The following MN1 variants were observed in gnomAD, a reference collection of about 807,000 sequenced individuals.
The protein encoded by MN1 is transcriptional activator MN1.
In MN1, 19 loss-of-function variants were observed where a neutral mutation model predicts 86.9. The observed-to-expected ratio is 0.22, with a 90% CI of 0.15 to 0.32. The LOEUF (loss-of-function observed/expected upper bound fraction) is 0.32. Among genes scored for constraint, MN1 ranks in the 10% least tolerant of loss-of-function variants. The probability of loss-of-function intolerance (pLI) is 1.00; values close to 1 mark genes in which losing one functional copy is unlikely to be tolerated. For synonymous variants in MN1, 928 were observed against 849.6 expected (o/e 1.09, Z -1.60); for missense variants, 1,841 against 1,862.0 (o/e 0.99, Z 0.21).
chr22:27,785,753 C>CG (rs11431057), intron 1 of MN1, among the ~76,000 whole-genome samples: 4 of 150,060 alleles, frequency 2.7e-5, no homozygotes, highest in African/African-American at 9.9e-5. Context: ...TGTGCCCCCC[C>CG]CCCATGGCCC....
Position 27,797,168 on chromosome 22 carries a change from G to T in MN1, c.3376C>A (p.His1126Asn), listed in dbSNP as rs1356046184. 6.4e-7 allele frequency: 1 copy of T among 1,560,338 alleles called. No homozygotes were observed. Among genetic ancestry groups the T allele is most frequent in the Non-Finnish European group, 8.6e-7 (1 of 1,156,320 alleles). ...DSYGGGGGPG[H>N]PGTPGLEQVR... Reference sequence around the variant, plus strand: ...TGCTCCAGGCCCGGAGTGCCCGGATGGCCCGGGCCCCCACCGCCGCCGTAG... The same window carrying T: ...TGCTCCAGGCCCGGAGTGCCCGGATTGCCCGGGCCCCCACCGCCGCCGTAG... Residue 1126 changes from histidine to asparagine, a missense_variant, in exon 1 of 2, where the codon CAT becomes AAT. Transcript: ENST00000302326.
intron 1 of MN1, among the ~76,000 whole-genome samples, chr22:27,754,092 G>C (rs931879397): frequency 6.6e-6 from 1 of 152,196 alleles, no homozygotes; most frequent in African/African-American, 2.4e-5. Context: ...TGCCAAAGGA[G>C]AGATAAACTC....
In MN1 at chr22:27,798,414, A is replaced by G; in HGVS notation, c.2130T>C (p.Gly710=). The G allele has an allele frequency of 6.5e-7, 1 of 1,536,816 alleles. No individual in the cohort carries two copies. Among genetic ancestry groups the G allele is most frequent in the Non-Finnish European group, 8.7e-7 (1 of 1,150,706 alleles). The part of the protein sequence containing the change: ...LQFGGSLGGL[G]QLQSPGAGVG... Reference sequence around the variant, plus strand: ...CGCCCGCCCCGGGCGACTGCAGCTGACCCAGGCCTCCCAGACTGCCCCCGA... The same window carrying G: ...CGCCCGCCCCGGGCGACTGCAGCTGGCCCAGGCCTCCCAGACTGCCCCCGA... The change falls in exon 1 of 2, where the codon GGT becomes GGC. Residue 710 remains glycine (G), a synonymous_variant. Transcript: ENST00000302326.
rs772354812 is a variant in MN1 at position 27,800,072 on chromosome 22, C to T, written c.472G>A (p.Glu158Lys). 1 of 1,598,786 alleles carries T rather than the reference C, an allele frequency of 6.3e-7. No homozygotes were observed. Among genetic ancestry groups the T allele is most frequent in the Non-Finnish European group, 8.5e-7 (1 of 1,178,244 alleles). ...PFAEGYEHMAESQGPESFGPQ... is the reference protein window; with the variant it reads ...PFAEGYEHMAKSQGPESFGPQ... ...CCGAAGCTCTCAGGCCCCTGGCTCT[C>T]CGCCATGTGCTCATAGCCCTCGGCG... is the stretch of plus-strand genomic sequence containing the variant. Residue 158 changes from glutamate (E) to lysine (K), a missense_variant, in exon 1 of 2, where the codon GAG becomes AAG. Transcript: ENST00000302326.
intron 1 of MN1, among the ~76,000 whole-genome samples, chr22:27,790,796 G>A (rs1214509771): frequency 6.6e-6 from 1 of 152,092 alleles, no homozygotes; most frequent in African/African-American, 2.4e-5. Flanking sequence ...GTACGCTCAC[G>A]CACAAAACCC....
At position 27,750,841 on chromosome 22, in the gene MN1, G is replaced by A; in HGVS notation, c.*74C>T. Reference sequence around the variant, plus strand: ...CCCTTTCAAATTAACAGAGGGGTGGGGTAAGGTTGAGGGGGAAGGAAACAG... The same window carrying A: ...CCCTTTCAAATTAACAGAGGGGTGGAGTAAGGTTGAGGGGGAAGGAAACAG... On this transcript the variant is annotated 3_prime_UTR_variant, in exon 2 of 2. Coordinates refer to ENST00000302326, the MANE Select transcript of MN1 (RefSeq NM_002430.3). 6 of 1,334,094 alleles carry A rather than the reference G, an allele frequency of 4.5e-6. 1 individual carries two copies. Among genetic ancestry groups the A allele is most frequent in the Non-Finnish European group, 6.1e-6 (6 of 981,002 alleles). 82.6% of individuals were successfully genotyped at this position (1,334,094 alleles called of 1,614,324 possible).
chr22:27,782,777 C>T (rs777093771), intron 1 of MN1, among the ~76,000 whole-genome samples: 1 of 152,164 alleles, frequency 6.6e-6, no homozygotes. Context: ...GGGTTTGAAC[C>T]CAGGTAGTCT....
chr22:27,767,005 C>T (rs973118994), intron 1 of MN1, among the ~76,000 whole-genome samples: 1 of 152,140 alleles, frequency 6.6e-6, no homozygotes, highest in South Asian at 2.1e-4. Flanking sequence ...GGCTCCAGTG[C>T]CCCTCATACT....
At chr22:27,788,076 G>A (rs1933160136) in intron 1 of MN1, among the ~76,000 whole-genome samples, 1 of 152,190 alleles carries the variant, frequency 6.6e-6, no homozygotes, top group South Asian at 2.1e-4. Flanking sequence ...CCTAGCCCAG[G>A]TGATGTTGTT....
Position 27,800,074 on chromosome 22 carries a change from G to A in MN1, c.470C>T (p.Ala157Val), listed in dbSNP as rs773589784. The A allele has an allele frequency of 6.9e-6, 11 of 1,598,250 alleles. No homozygotes were observed. The highest frequency in any genetic ancestry group is 9.3e-6 in the Non-Finnish European group (11 of 1,178,096). Reference sequence around the variant, plus strand: ...GAAGCTCTCAGGCCCCTGGCTCTCCGCCATGTGCTCATAGCCCTCGGCGAA... The same window carrying A: ...GAAGCTCTCAGGCCCCTGGCTCTCCACCATGTGCTCATAGCCCTCGGCGAA... The part of the protein sequence containing the change: ...PPFAEGYEHM[A>V]ESQGPESFGP... The change falls in exon 1 of 2, where the codon GCG (alanine) becomes GTG (valine). Residue 157 changes from alanine (A) to valine (V), a missense_variant. Transcript: ENST00000302326.
At position 27,797,541 on chromosome 22, in the gene MN1, G is replaced by T; in HGVS notation, c.3003C>A (p.His1001Gln). Residue 1001 changes from histidine to glutamine, a missense_variant, in exon 1 of 2, where the codon CAC (histidine) becomes CAA (glutamine). Physicochemically the swap from His to Gln is conservative, Grantham distance 24. Coordinates refer to ENST00000302326, the MANE Select transcript of MN1 (RefSeq NM_002430.3). ...AGGATGGCGACGTGAGCGCCTTTTC[G>T]TGGGGCGTCGGTGCCCCGCGCGTCT... ...AGETRGAPTP[H>Q]EKALTSPSWG... is the part of the protein sequence containing the mutation. 6.2e-7 allele frequency: 1 copy of T among 1,608,150 alleles called. No homozygotes were observed. The highest frequency in any genetic ancestry group is 8.5e-7 in the Non-Finnish European group (1 of 1,178,360).
chr22:27,777,187 G>A (rs556855152), intron 1 of MN1, among the ~76,000 whole-genome samples: 8 of 152,290 alleles, frequency 5.3e-5, no homozygotes, highest in African/African-American at 1.7e-4. Flanking sequence ...GAAACCTCCG[G>A]TCAAATGGGT....
chr22:27,798,653 A>G lies in MN1; in HGVS notation c.1891T>C (p.Trp631Arg), dbSNP rs1206798235. Residue 631 changes from tryptophan to arginine, a missense_variant, in exon 1 of 2, where the codon TGG (tryptophan) becomes CGG (arginine). By Grantham distance (101) the Trp-to-Arg change is moderately radical. Transcript: ENST00000302326. The part of the protein sequence containing the change: ...QAPHLAQESA[W>R]FSGPHPPPGD... ...GGCGGCGGATGCGGACCTGAGAACC[A>G]CGCGCTCTCTTGCGCCAAGTGCGGC... 2 of 1,557,996 alleles carry G rather than the reference A, an allele frequency of 1.3e-6. No homozygotes were observed. Among genetic ancestry groups the G allele is most frequent in the Non-Finnish European group, 1.7e-6 (2 of 1,160,412 alleles).
chr22:27,796,093 C>T (rs908036205), intron 1 of MN1, among the ~76,000 whole-genome samples: 10 of 151,596 alleles, frequency 6.6e-5, no homozygotes, highest in African/African-American at 2.2e-4. Context: ...CAAGGGGATG[C>T]GCCCTGAAAA....
chr22:27,766,113 G>C (rs933207993), intron 1 of MN1, among the ~76,000 whole-genome samples: 2 of 152,220 alleles, frequency 1.3e-5, no homozygotes, highest in African/African-American at 4.8e-5. Context: ...GACGCTGGCT[G>C]TGTGATTTCA....
rs1212602269 is a variant in MN1, at chr22:27,801,733, C to G, written c.-1190G>C. On this transcript the variant is annotated 5_prime_UTR_variant, in exon 1 of 2. Transcript: ENST00000302326. ...CTCCCCTCTCTGTGTCTGCCTCTCG[C>G]CCAGCGCCGGGAGAAGCAGCAACAA... 2.6e-5 allele frequency among the ~76,000 whole-genome samples: 4 copies of G among 152,114 alleles called. No homozygotes were observed. Among genetic ancestry groups the G allele is most frequent in the African/African-American group, 9.6e-5 (4 of 41,460 alleles).
chr22:27,779,443 G>A (rs1400648818), intron 1 of MN1, among the ~76,000 whole-genome samples: 3 of 152,320 alleles, frequency 2.0e-5, no homozygotes, highest in East Asian at 1.9e-4. Context: ...AACAGCCAAC[G>A]GCATGACCTG....
intron 1 of MN1, among the ~76,000 whole-genome samples, chr22:27,795,053 G>A (rs986558196): frequency 7.2e-6 from 1 of 138,192 alleles, no homozygotes; most frequent in Non-Finnish European, 1.5e-5. Flanking sequence ...TGTCCAACTC[G>A]ATTTTAAAAA....
chr22:27,752,335 CAG>C (rs1932773108), intron 1 of MN1, among the ~76,000 whole-genome samples: 1 of 152,132 alleles, frequency 6.6e-6, no homozygotes, highest in South Asian at 2.1e-4. Context: ...GCAGGAGAGA[CAG>C]AGAATCTGAG....
Sources: gnomAD v4.1 joint callset for allele counts (sites outside exome capture counted in the v4.1 genomes callset) on GRCh38, gnomAD v4.1.1 for gene constraint, MANE v1.5 for transcripts, NCBI Gene and HGNC (gene_info 2026-07-23, HGNC 2026-07-21) for gene names.